PSTPIP1: variants seen among roughly 807,000 people sequenced by gnomAD.
PSTPIP1 encodes the protein proline-serine-threonine phosphatase-interacting protein 1.
In PSTPIP1, 66 loss-of-function variants were observed where a neutral mutation model predicts 69.6. The observed-to-expected ratio is 0.95, with a 90% CI of 0.78 to 1.16. The LOEUF is 1.16. Among genes scored for constraint, PSTPIP1 ranks in the 50% most tolerant of loss-of-function variants. PSTPIP1 has a pLI of 0.00. For synonymous variants in PSTPIP1, 266 were observed against 222.7 expected (o/e 1.19, Z -1.73); for missense variants, 603 against 557.4 (o/e 1.08, Z -0.82).
intron 1 of PSTPIP1, among the ~76,000 whole-genome samples, chr15:77,003,681 A>G (rs1472469827): frequency 1.3e-5 from 2 of 151,602 alleles, no homozygotes; most frequent in Non-Finnish European, 2.9e-5. Flanking sequence ...AGAAGAAGGA[A>G]GCGGGCTTCT....
rs1447823091 is a variant in PSTPIP1, at chr15:77,028,233, G to C, written c.417+319G>C. 23 of 510,966 alleles carry C rather than the reference G, an allele frequency of 4.5e-5. No homozygotes were observed. The East Asian group carries it at 7.9e-4, about 17-fold the overall frequency. 31.7% of individuals were successfully genotyped at this position (510,966 alleles called of 1,614,324 possible). A position where few individuals can be genotyped will look rare whatever the true frequency, so the allele number is the denominator to read the frequency against. On this transcript the variant is annotated intron_variant, in intron 6 of 14. Transcript: ENST00000558012. ...CTGCGAGACGCTGGACAGGAAGGGAGAGGGGCTCCTAAGAGGGCGCGGCGT... is the reference window on the plus strand; with the variant it reads ...CTGCGAGACGCTGGACAGGAAGGGACAGGGGCTCCTAAGAGGGCGCGGCGT...
At chr15:77,018,110 G>A (rs372953175) in intron 1 of PSTPIP1, 38 bp from the exon 2 acceptor site, 6 of 1,548,272 alleles carry the variant, frequency 3.9e-6, no homozygotes, top group Non-Finnish European at 5.2e-6. Context: ...GTGTCGCCTG[G>A]TCGTGGCCCT....
At chr15:77,031,097 C>T in intron 9 of PSTPIP1, 83 bp from the exon 10 acceptor site, 1 of 1,364,686 alleles carries the variant, frequency 7.3e-7, no homozygotes, top group South Asian at 1.2e-5. Context: ...CTGGTCAGCT[C>T]CGGCTGAGCT....
rs574627519 is a variant in PSTPIP1, at chr15:76,995,394, C to G, written c.-180C>G. 9 of 1,448,314 alleles carry G rather than the reference C, an allele frequency of 6.2e-6. No homozygotes were observed. The African/African-American group carries it at 1.3e-4, about 21-fold the overall frequency. The allele number at this position is 1,448,314 out of a possible 1,614,324, so 89.7% of individuals were successfully genotyped here. ...CCAAACAAAACAGGTTGAGCTTTTT[C>G]CTCCCCTCAGAAGCTCCTCTCTGGC... On this transcript the variant is annotated 5_prime_UTR_variant, in exon 1 of 15. Transcript: ENST00000558012.
At chr15:77,003,074 G>A (rs928023516) in intron 1 of PSTPIP1, among the ~76,000 whole-genome samples, 8 of 152,198 alleles carry the variant, frequency 5.3e-5, no homozygotes, top group African/African-American at 1.7e-4. Context: ...GATTGTGAAA[G>A]GTCTCTGCCC....
chr15:77,026,231 A>G (rs2076279134), intron 5 of PSTPIP1: 2 of 455,622 alleles, frequency 4.4e-6, no homozygotes, highest in Middle Eastern at 3.4e-4. Context: ...GAAGTTGGAT[A>G]TAGGTTCCCT....
At chr15:77,032,155 C>T (rs527619029) in intron 10 of PSTPIP1, 143 bp from the exon 11 acceptor site, 2 of 729,736 alleles carry the variant, frequency 2.7e-6, no homozygotes, top group East Asian at 5.4e-5. Context: ...CAGCCAGGGC[C>T]GTGACCCCTC....
At chr15:77,007,843 C>G (rs756243465) in intron 1 of PSTPIP1, 54 of 453,092 alleles carry the variant, frequency 1.2e-4, no homozygotes, top group South Asian at 7.8e-4. Context: ...ATCTGCCCGT[C>G]TAGGCCTCCC....
At chr15:77,015,608 C>A (rs2076031952) in intron 1 of PSTPIP1, among the ~76,000 whole-genome samples, 1 of 152,124 alleles carries the variant, frequency 6.6e-6, no homozygotes, top group Non-Finnish European at 1.5e-5. Flanking sequence ...GGGTGGCAGA[C>A]CCACATGACT....
rs540606788 is a variant in PSTPIP1, at chr15:77,028,713, G to A, written c.516+61G>A. The A allele has an allele frequency of 9.3e-4, 1,277 of 1,380,524 alleles. 1 individual carries two copies. Among genetic ancestry groups the A allele is most frequent in the Non-Finnish European group, 1.2e-3 (1,205 of 1,021,916 alleles). 85.5% of individuals were successfully genotyped at this position (1,380,524 alleles called of 1,614,324 possible). On this transcript the variant is annotated intron_variant, in intron 7 of 14. Coordinates refer to ENST00000558012, the MANE Select transcript of PSTPIP1 (RefSeq NM_003978.5). Reference sequence around the variant, plus strand: ...GGCTGGGGGCAGTGGGGGAGGCAAGGAAGGGGTGCCGTAGACACCCCCAGG... The same window carrying A: ...GGCTGGGGGCAGTGGGGGAGGCAAGAAAGGGGTGCCGTAGACACCCCCAGG...
chr15:77,029,490 G>C, intron 7 of PSTPIP1, 39 bp from the exon 8 acceptor site: 1 of 1,557,466 alleles, frequency 6.4e-7, no homozygotes, highest in Non-Finnish European at 8.7e-7. Flanking sequence ...CTGGCTCCTG[G>C]GGCAGGGGCT....
In PSTPIP1 at chr15:77,027,050, C is replaced by T. The variant is rs1168579351; in HGVS notation, c.355-802C>T. Among the ~76,000 whole-genome samples, 1 of 152,226 alleles carries T rather than the reference C, an allele frequency of 6.6e-6. No homozygotes were observed. The highest frequency in any genetic ancestry group is 2.4e-5 in the African/African-American group (1 of 41,452). The stretch of plus-strand genomic sequence containing the variant: ...TGCTTACAGGATGGTGCACACGTGC[C>T]TACGCTCCCCTGCATATGCCTGTGA... On this transcript the variant is annotated intron_variant, in intron 5 of 14. Transcript: ENST00000558012. The surrounding 1 kb of genome is among the most constrained non-coding windows in gnomAD (Gnocchi z 4.3).
chr15:77,005,858 G>A lies in PSTPIP1; in HGVS notation c.36+10249G>A, dbSNP rs554561176. Among the ~76,000 whole-genome samples the A allele has an allele frequency of 5.3e-5, 8 of 152,182 alleles. No individual in the cohort carries two copies. The East Asian group carries it at 5.8e-4, about 11-fold the overall frequency. ...ATGACAAAATACTATTCCATTCTAC[G>A]TATATACTTTATTTTGTATATCCAT... is the stretch of plus-strand genomic sequence containing the variant. On this transcript the variant is annotated intron_variant, in intron 1 of 14. Coordinates refer to ENST00000558012, the MANE Select transcript of PSTPIP1 (RefSeq NM_003978.5).
Position 77,031,616 on chromosome 15 carries a change from C to T in PSTPIP1, c.741+338C>T, listed in dbSNP as rs146799300. The T allele has an allele frequency of 1.6e-3, 443 of 274,384 alleles. 2 individuals are homozygous for T. Among genetic ancestry groups the T allele is most frequent in the African/African-American group, 8.4e-3 (379 of 45,114 alleles). 17.0% of individuals were successfully genotyped at this position (274,384 alleles called of 1,614,324 possible). Reference sequence around the variant, plus strand: ...CAGAGGTTGGCAGAAGCTGGAGGACCGTGGCTGCTCTGCTCTAGGCCTGGT... The same window carrying T: ...CAGAGGTTGGCAGAAGCTGGAGGACTGTGGCTGCTCTGCTCTAGGCCTGGT... On this transcript the variant is annotated intron_variant, in intron 10 of 14. Transcript: ENST00000558012.
intron 1 of PSTPIP1, among the ~76,000 whole-genome samples, chr15:77,011,442 G>A (rs964460429): frequency 6.6e-6 from 1 of 152,256 alleles, no homozygotes. Context: ...GCCCTGTAAG[G>A]CCCGGCAGAG....
rs988685545 is a variant in PSTPIP1, at chr15:77,037,338, T to C, written c.*162T>C. The C allele has an allele frequency of 4.0e-5, 36 of 909,380 alleles. No homozygotes were observed. The highest frequency in any genetic ancestry group is 7.3e-4 in the Middle Eastern group (2 of 2,736). 56.3% of individuals were successfully genotyped at this position (909,380 alleles called of 1,614,324 possible). A position where few individuals can be genotyped will look rare whatever the true frequency, so the allele number is the denominator to read the frequency against. On this transcript the variant is annotated 3_prime_UTR_variant, in exon 15 of 15. Transcript: ENST00000558012. ...AAGGAGTGCGTTCTGTTCTCCTTGG[T>C]GTGCTGGGGTCCCGTTCTCTTTTTC...
At chr15:77,033,628 C>G (rs564988714) in intron 12 of PSTPIP1, among the ~76,000 whole-genome samples, 1 of 152,130 alleles carries the variant, frequency 6.6e-6, no homozygotes, top group Non-Finnish European at 1.5e-5. Context: ...GTGCCCCCAC[C>G]GCCATGCCAC....
At chr15:77,032,988 T>C in intron 12 of PSTPIP1, 36 bp downstream of exon 12, 1 of 1,563,824 alleles carries the variant, frequency 6.4e-7, no homozygotes, top group Non-Finnish European at 8.7e-7. Context: ...GGCCTAAGGC[T>C]GGGCCAGGAA....
At chr15:77,018,564 C>G (rs763190554) in intron 3 of PSTPIP1, 33 bp downstream of exon 3, 142 of 1,526,906 alleles carry the variant, frequency 9.3e-5, no homozygotes, top group Non-Finnish European at 1.2e-4. Context: ...GCTCACTCCT[C>G]TCCTCTGCTG....
Sources: allele counts gnomAD v4.1 joint callset (sites outside exome capture counted in the v4.1 genomes callset), GRCh38; gene constraint gnomAD v4.1.1; non-coding constraint Gnocchi (gnomAD v3.1); transcripts MANE v1.5; gene names NCBI Gene and HGNC (gene_info 2026-07-23, HGNC 2026-07-21).